Variants in KIFAP3 observed in about 807,000 individuals in gnomAD.
KIFAP3 encodes the protein kinesin associated protein 3.
In KIFAP3, 68 loss-of-function variants were observed where a neutral mutation model predicts 106.5. That is an observed-to-expected ratio of 0.64 (90% CI 0.53 to 0.78). The LOEUF is 0.78. Among genes scored for constraint, KIFAP3 ranks in the 30% least tolerant of loss-of-function variants. The probability of loss-of-function intolerance (pLI) is 0.00; values close to 1 mark genes in which losing one functional copy is unlikely to be tolerated. For synonymous variants in KIFAP3, 320 were observed against 311.5 expected, an observed-to-expected ratio of 1.03 and a Z score of -0.29; for missense variants, 780 against 941.8, an observed-to-expected ratio of 0.83 and a Z score of 2.25.
At chr1:169,992,996 C>CA (rs1363900945) in intron 10 of KIFAP3, among the ~76,000 whole-genome samples, 1 of 151,458 alleles carries the variant, frequency 6.6e-6, no homozygotes, top group Non-Finnish European at 1.5e-5. Flanking sequence ...AAATTTTATC[C>CA]AAAAAACAAT....
At chr1:169,986,081 G>A (rs1469453788) in intron 11 of KIFAP3, among the ~76,000 whole-genome samples, 1 of 142,124 alleles carries the variant, frequency 7.0e-6, no homozygotes, top group Non-Finnish European at 1.6e-5. Context: ...TTTATCTCAG[G>A]GCAATACCTT....
At chr1:169,947,656 T>C (rs959805473) in intron 19 of KIFAP3, among the ~76,000 whole-genome samples, 1 of 151,864 alleles carries the variant, frequency 6.6e-6, no homozygotes, top group Non-Finnish European at 1.5e-5. Flanking sequence ...TTTTAATACA[T>C]GAAAATCAAT....
intron 19 of KIFAP3, among the ~76,000 whole-genome samples, chr1:169,936,605 A>T (rs1194783865): frequency 6.6e-6 from 1 of 151,806 alleles, no homozygotes; most frequent in East Asian, 1.9e-4. Context: ...AGTGCTATAA[A>T]ATCTGAACCT....
chr1:169,953,304 G>A (rs1445858257), intron 19 of KIFAP3, among the ~76,000 whole-genome samples: 2 of 152,062 alleles, frequency 1.3e-5, no homozygotes, highest in South Asian at 2.1e-4. Flanking sequence ...GGGAGGAAAA[G>A]TCTTCAATTT....
At chr1:169,922,408 T>C (rs1267865122) in intron 19 of KIFAP3, among the ~76,000 whole-genome samples, 3 of 152,216 alleles carry the variant, frequency 2.0e-5, no homozygotes, top group African/African-American at 7.2e-5. Flanking sequence ...TCTATTTCTT[T>C]TGAGTGACAG....
chr1:169,967,494 T>C (rs186526842), intron 17 of KIFAP3, among the ~76,000 whole-genome samples: 19 of 151,806 alleles, frequency 1.3e-4, no homozygotes, highest in Non-Finnish European at 2.9e-5. Flanking sequence ...ATTAATAATA[T>C]GGTACTGCAT....
intron 3 of KIFAP3, among the ~76,000 whole-genome samples, chr1:170,046,209 G>GAAAAAAAAAAAAA (rs1571725189): frequency 7.9e-5 from 1 of 12,608 alleles, no homozygotes; most frequent in Non-Finnish European, 1.2e-4. Flanking sequence ...TTTCTCTGCT[G>GAAAAAAAAAAAAA]CAAAAAAAAA....
intron 19 of KIFAP3, among the ~76,000 whole-genome samples, chr1:169,928,377 C>T (rs1050808908): frequency 1.3e-5 from 2 of 152,046 alleles, no homozygotes; most frequent in South Asian, 2.1e-4. Flanking sequence ...GGATTACAGG[C>T]GTGAGCCACT....
chr1:169,924,814 T>C (rs1424428313), intron 19 of KIFAP3, among the ~76,000 whole-genome samples: 1 of 152,204 alleles, frequency 6.6e-6, no homozygotes, highest in Non-Finnish European at 1.5e-5. Flanking sequence ...AGATTCTTCA[T>C]GTAAGTTCTT....
At chr1:169,967,289 C>T (rs942709878) in intron 17 of KIFAP3, among the ~76,000 whole-genome samples, 1 of 151,750 alleles carries the variant, frequency 6.6e-6, no homozygotes, top group African/African-American at 2.4e-5. Context: ...CATTATATCC[C>T]CCTCCTGGAC....
intron 1 of KIFAP3, among the ~76,000 whole-genome samples, chr1:170,083,590 A>G (rs974766662): frequency 7.2e-5 from 11 of 152,226 alleles, no homozygotes; most frequent in Non-Finnish European, 1.5e-4. Flanking sequence ...ATGAGATAGC[A>G]TACATAAATT....
intron 2 of KIFAP3, among the ~76,000 whole-genome samples, chr1:170,053,975 A>G (rs1253127824): frequency 1.3e-5 from 2 of 152,206 alleles, no homozygotes; most frequent in Non-Finnish European, 2.9e-5. Context: ...ATGGAAACAA[A>G]AGCTAAAATT....
rs12130561 is a variant in KIFAP3, at chr1:170,053,561, A to T, written c.164+1744T>A. Among the ~76,000 whole-genome samples, 27 of 151,624 alleles carry T rather than the reference A, an allele frequency of 1.8e-4. No individual in the cohort carries two copies. The East Asian group carries it at 4.8e-3, about 27-fold the overall frequency. On this transcript the variant is annotated intron_variant, in intron 2 of 19. Coordinates refer to ENST00000361580, the MANE Select transcript of KIFAP3 (RefSeq NM_014970.4). The stretch of plus-strand genomic sequence containing the variant: ...AAAAAACAAAACAAAACAAAAAAAA[A>T]CCCAAAGCATCATGCTACCTGACTT...
intron 1 of KIFAP3, among the ~76,000 whole-genome samples, chr1:170,058,018 A>G (rs1670937046): frequency 6.6e-6 from 1 of 152,160 alleles, no homozygotes; most frequent in African/African-American, 2.4e-5. Flanking sequence ...AGTAATATGA[A>G]ACATACCTTC....
At chr1:169,946,361 T>C (rs1664438920) in intron 19 of KIFAP3, among the ~76,000 whole-genome samples, 2 of 134,250 alleles carry the variant, frequency 1.5e-5, no homozygotes, top group Admixed American at 7.4e-5. Flanking sequence ...GTAAACCATG[T>C]CAAATGTATT....
intron 19 of KIFAP3, 98 bp downstream of exon 19, chr1:169,953,913 T>A (rs1200830012): frequency 2.4e-6 from 2 of 817,480 alleles, no homozygotes; most frequent in African/African-American, 3.4e-5. Flanking sequence ...TTTTCCCCCC[T>A]CTTAATGAAA....
At chr1:170,006,458 T>C (rs533013754) in intron 10 of KIFAP3, among the ~76,000 whole-genome samples, 10 of 152,194 alleles carry the variant, frequency 6.6e-5, no homozygotes, top group East Asian at 5.8e-4. Context: ...TGCTGGGGCC[T>C]GGAGGGTGGA....
At chr1:169,922,470 C>G (rs1662880305) in intron 19 of KIFAP3, among the ~76,000 whole-genome samples, 1 of 152,046 alleles carries the variant, frequency 6.6e-6, no homozygotes, top group African/African-American at 2.4e-5. Context: ...TAACAGAAAC[C>G]CAAAGATAAC....
intron 10 of KIFAP3, among the ~76,000 whole-genome samples, chr1:170,002,292 A>C (rs1057277445): frequency 6.6e-6 from 1 of 152,190 alleles, no homozygotes; most frequent in African/African-American, 2.4e-5. Flanking sequence ...CTTACTCTCA[A>C]AATCAATTTT....
Sources: gnomAD v4.1 joint callset for allele counts (sites outside exome capture counted in the v4.1 genomes callset) on GRCh38, gnomAD v4.1.1 for gene constraint, MANE v1.5 for transcripts, NCBI Gene and HGNC (gene_info 2026-07-23, HGNC 2026-07-21) for gene names.